DPYSL2: variants seen among roughly 807,000 people sequenced by gnomAD.
DPYSL2 encodes the protein dihydropyrimidinase like 2.
DPYSL2 carries 13 observed loss-of-function variants against 69.9 expected under a neutral mutation model. The observed-to-expected ratio is 0.19, with a 90% CI of 0.12 to 0.30. The LOEUF (loss-of-function observed/expected upper bound fraction) is 0.30. Ranked by LOEUF, DPYSL2 falls within the 10% of genes least tolerant of loss-of-function variation. The probability of loss-of-function intolerance (pLI) is 1.00; values close to 1 mark genes in which losing one functional copy is unlikely to be tolerated. For synonymous variants in DPYSL2, 326 were observed against 359.1 expected, an observed-to-expected ratio of 0.91 and a Z score of 1.04; for missense variants, 587 against 918.9, an observed-to-expected ratio of 0.64 and a Z score of 4.67.
At chr8:26,633,849 T>C (rs1255749522) in intron 7 of DPYSL2, among the ~76,000 whole-genome samples, 1 of 152,232 alleles carries the variant, frequency 6.6e-6, no homozygotes, top group Admixed American at 6.5e-5. Flanking sequence ...CGTACCAGGC[T>C]GTGGCTGGCC....
chr8:26,639,899 A>G (rs1231458238), intron 8 of DPYSL2, among the ~76,000 whole-genome samples: 2 of 152,226 alleles, frequency 1.3e-5, no homozygotes, highest in Non-Finnish European at 2.9e-5. Flanking sequence ...CCATTCAGAA[A>G]ACTCATTTTT....
rs2129888994 is a variant in DPYSL2 at position 26,620,921 on chromosome 8, T to A, written c.629-3222T>A. On this transcript the variant is annotated intron_variant, in intron 3 of 13. Transcript: ENST00000521913. The surrounding 1 kb of genome is among the most constrained non-coding windows in gnomAD (Gnocchi z 4.5). ...ACAAACACACACATATGTACACACT[T>A]GCATCCACATCTACATACACATATT... Among the ~76,000 whole-genome samples the A allele has an allele frequency of 6.6e-6, 1 of 152,340 alleles. No homozygotes were observed. Among genetic ancestry groups the A allele is most frequent in the African/African-American group, 2.4e-5 (1 of 41,580 alleles).
chr8:26,576,475 C>T (rs1801345612), intron 1 of DPYSL2, among the ~76,000 whole-genome samples: 2 of 151,806 alleles, frequency 1.3e-5, no homozygotes, highest in South Asian at 4.2e-4. Context: ...AGTTATTGTA[C>T]CTGCCAGGGC....
intron 7 of DPYSL2, among the ~76,000 whole-genome samples, chr8:26,632,256 C>A (rs1802794099): frequency 6.6e-6 from 1 of 152,096 alleles, no homozygotes; most frequent in African/African-American, 2.4e-5. Context: ...CCGGGCAGTG[C>A]CTGGCATTGT....
At position 26,582,168 on chromosome 8, in the gene DPYSL2, C is replaced by A; in HGVS notation, c.443+111C>A. On this transcript the variant is annotated intron_variant, in intron 2 of 13. Transcript: ENST00000521913. This position sits in a 1 kb window ranked among gnomAD's most constrained non-coding sequence, Gnocchi z 4.1. Reference sequence around the variant, plus strand: ...AACTTCAGGAACATCAGAGAGTGACCAACTTAGTATCTGTTTTAAACTGGT... The same window carrying A: ...AACTTCAGGAACATCAGAGAGTGACAAACTTAGTATCTGTTTTAAACTGGT... The A allele has an allele frequency of 1.3e-6, 1 of 799,720 alleles. No individual in the cohort carries two copies. The highest frequency in any genetic ancestry group is 2.0e-6 in the Non-Finnish European group (1 of 493,074). The allele number at this position is 799,720 out of a possible 1,614,324, so 49.5% of individuals were successfully genotyped here.
intron 1 of DPYSL2, chr8:26,576,988 C>T: frequency 3.2e-6 from 1 of 308,154 alleles, no homozygotes; most frequent in East Asian, 1.6e-4. Flanking sequence ...GCGCAGATCG[C>T]GCCACATCGG....
At chr8:26,638,613 G>C (rs879517437) in intron 8 of DPYSL2, among the ~76,000 whole-genome samples, 4 of 152,234 alleles carry the variant, frequency 2.6e-5, no homozygotes, top group Admixed American at 6.5e-5. Context: ...GGCGTGTTCA[G>C]CCGGGGAGTG....
chr8:26,547,876 C>T, intron 1 of DPYSL2: 2 of 295,736 alleles, frequency 6.8e-6, no homozygotes, highest in South Asian at 3.6e-5. Flanking sequence ...TGTGGCTGAT[C>T]TGACCTCCCT....
chr8:26,583,749 T>C, intron 2 of DPYSL2, 50 bp from the exon 3 acceptor site: 2 of 1,536,450 alleles, frequency 1.3e-6, no homozygotes, highest in South Asian at 2.5e-5. Flanking sequence ...CAGATCCCAT[T>C]TGAGTCCACA....
Position 26,514,286 on chromosome 8 carries a change from G to T in DPYSL2, c.-40G>T. Reference sequence around the variant, plus strand: ...AGGGAGACTTAGGGACTGGCAGACGGACGGACGGACGGCGAGGACCCTACC... The same window carrying T: ...AGGGAGACTTAGGGACTGGCAGACGTACGGACGGACGGCGAGGACCCTACC... On this transcript the variant is annotated 5_prime_UTR_variant, in exon 1 of 14. Transcript: ENST00000521913. This position sits in a 1 kb window ranked among gnomAD's most constrained non-coding sequence, Gnocchi z 8.4. The T allele has an allele frequency of 7.1e-7, 1 of 1,414,680 alleles. No individual in the cohort carries two copies. Among genetic ancestry groups the T allele is most frequent in the Non-Finnish European group, 9.2e-7 (1 of 1,085,844 alleles). 87.6% of individuals were successfully genotyped at this position (1,414,680 alleles called of 1,614,324 possible).
rs186655713 is a variant in DPYSL2, at chr8:26,563,240, A to G, written c.355-18729A>G. 2.6e-5 allele frequency among the ~76,000 whole-genome samples: 4 copies of G among 151,756 alleles called. No individual in the cohort carries two copies. The East Asian group carries it at 7.8e-4, about 29-fold the overall frequency. On this transcript the variant is annotated intron_variant, in intron 1 of 13. Coordinates refer to ENST00000521913, the MANE Select transcript of DPYSL2 (RefSeq NM_001197293.3). Reference sequence around the variant, plus strand: ...GCTCACAGTTCTCCAGTCACACTAGACTCCTTTCTGTTCCCAAAACATTCC... The same window carrying G: ...GCTCACAGTTCTCCAGTCACACTAGGCTCCTTTCTGTTCCCAAAACATTCC...
intron 1 of DPYSL2, among the ~76,000 whole-genome samples, chr8:26,520,584 A>G (rs1205192844): frequency 6.6e-6 from 1 of 152,052 alleles, no homozygotes; most frequent in Non-Finnish European, 1.5e-5. Context: ...TTTTTAAAAC[A>G]CAAGAAATGT....
chr8:26,622,015 G>T (rs979344026), intron 3 of DPYSL2, among the ~76,000 whole-genome samples: 1 of 152,168 alleles, frequency 6.6e-6, no homozygotes, highest in Non-Finnish European at 1.5e-5. Context: ...AGGGGAGTGG[G>T]TAGGGAGATT....
Position 26,514,572 on chromosome 8 carries a change from T to A in DPYSL2, c.247T>A (p.Ser83Thr), listed in dbSNP as rs1417930944. 1.3e-6 allele frequency: 2 copies of A among 1,526,244 alleles called. No individual in the cohort carries two copies. The highest frequency in any genetic ancestry group is 2.8e-5 in the African/African-American group (2 of 72,396). The allele number at this position is 1,526,244 out of a possible 1,614,324, so 94.5% of individuals were successfully genotyped here. Residue 83 changes from serine (S) to threonine (T), a missense_variant, in exon 1 of 14, where the codon TCG (serine) becomes ACG (threonine). Physicochemically the swap from Ser to Thr is moderately conservative, Grantham distance 58 (BLOSUM62 1). Transcript: ENST00000521913. The surrounding 1 kb of genome is among the most constrained non-coding windows in gnomAD (Gnocchi z 8.4). The part of the protein sequence containing the change: ...HLGPDPQPPY[S>T]RQGRRAGGEP... Reference sequence around the variant, plus strand: ...GGGCCCGGACCCGCAGCCGCCGTACTCGCGGCAGGGCCGGCGCGCCGGCGG... The same window carrying A: ...GGGCCCGGACCCGCAGCCGCCGTACACGCGGCAGGGCCGGCGCGCCGGCGG...
intron 7 of DPYSL2, among the ~76,000 whole-genome samples, chr8:26,633,877 A>G (rs1410385610): frequency 6.6e-6 from 1 of 152,240 alleles, no homozygotes; most frequent in Non-Finnish European, 1.5e-5. Flanking sequence ...TGCTTCACAC[A>G]CAGGGGGCCA....
rs1387814754 is a variant in DPYSL2 at position 26,642,390 on chromosome 8, ATTTTC to A, written c.1127-1044_1127-1040del. 6.6e-6 allele frequency among the ~76,000 whole-genome samples: 1 copy of A among 151,990 alleles called. No individual in the cohort carries two copies. Among genetic ancestry groups the A allele is most frequent in the African/African-American group, 2.4e-5 (1 of 41,358 alleles). On this transcript the variant is annotated intron_variant, in intron 8 of 13. Coordinates refer to ENST00000521913, the MANE Select transcript of DPYSL2 (RefSeq NM_001197293.3). This position sits in a 1 kb window ranked among gnomAD's most constrained non-coding sequence, Gnocchi z 5.3. The stretch of plus-strand genomic sequence containing the variant: ...AGCATCTGATGCTTTGGTGAGGAGG[ATTTTC>A]TTTTAAGTCCTTGAATGCAGAAGGG...
intron 3 of DPYSL2, among the ~76,000 whole-genome samples, chr8:26,590,404 A>G (rs957214739): frequency 1.3e-5 from 2 of 151,900 alleles, no homozygotes; most frequent in African/African-American, 4.8e-5. Flanking sequence ...GCCTGGGTCC[A>G]CTCAGGTGTC....
chr8:26,620,695 A>T lies in DPYSL2; in HGVS notation c.629-3448A>T, dbSNP rs1802461649. 6.6e-6 allele frequency among the ~76,000 whole-genome samples: 1 copy of T among 152,210 alleles called. No individual in the cohort carries two copies. The highest frequency in any genetic ancestry group is 1.5e-5 in the Non-Finnish European group (1 of 68,048). On this transcript the variant is annotated intron_variant, in intron 3 of 13. Coordinates refer to ENST00000521913, the MANE Select transcript of DPYSL2 (RefSeq NM_001197293.3). The surrounding 1 kb of genome is among the most constrained non-coding windows in gnomAD (Gnocchi z 4.5). The stretch of plus-strand genomic sequence containing the variant: ...TTTAAAGTCATCATGAATCAATAGA[A>T]GGAAAGGATTATTCAGTAACTATGA...
intron 1 of DPYSL2, among the ~76,000 whole-genome samples, chr8:26,570,776 T>C (rs1801225264): frequency 6.9e-6 from 1 of 144,516 alleles, no homozygotes; most frequent in East Asian, 2.0e-4. Context: ...AACTAGCCCC[T>C]TGGGCTTTGG....
Sources: allele counts gnomAD v4.1 joint callset (sites outside exome capture counted in the v4.1 genomes callset), GRCh38; gene constraint gnomAD v4.1.1; non-coding constraint Gnocchi (gnomAD v3.1); transcripts MANE v1.5; gene names NCBI Gene and HGNC (gene_info 2026-07-23, HGNC 2026-07-21).